Variants in RAD51 observed in about 807,000 individuals in gnomAD.
RAD51 encodes DNA repair protein RAD51 homolog 1.
RAD51 carries 14 observed loss-of-function variants against 41.5 expected under a neutral mutation model. The observed-to-expected ratio is 0.34, with a 90% CI of 0.22 to 0.53. RAD51 has a LOEUF of 0.53. RAD51 is among the 20% of genes least tolerant of loss of function. RAD51 has a pLI of 0.95. For missense variants in RAD51, 234 were observed against 422.0 expected, an observed-to-expected ratio of 0.55 and a Z score of 3.90; for synonymous variants, 136 against 148.6, an observed-to-expected ratio of 0.92 and a Z score of 0.62.
intron 3 of RAD51, among the ~76,000 whole-genome samples, chr15:40,702,535 C>T (rs1895068858): frequency 6.6e-6 from 1 of 151,846 alleles, no homozygotes; most frequent in Non-Finnish European, 1.5e-5. Flanking sequence ...TTTTTTGAGG[C>T]AGAGTGTCGC....
chr15:40,729,479 C>T (rs1336415861), intron 7 of RAD51, 26 bp from the exon 8 acceptor site: 1 of 1,608,100 alleles, frequency 6.2e-7, no homozygotes. Flanking sequence ...TAGAAATAGG[C>T]TTCAGAGAAT....
In RAD51 at chr15:40,727,860, C is replaced by CTTT. The variant is rs754071390; in HGVS notation, c.531-836_531-834dup. Among the ~76,000 whole-genome samples the CTTT allele has an allele frequency of 5.3e-5, 7 of 132,272 alleles. 1 individual carries two copies. Among genetic ancestry groups the CTTT allele is most frequent in the African/African-American group, 5.7e-5 (2 of 35,026 alleles). 86.8% of individuals were successfully genotyped at this position (132,272 alleles called of 152,430 possible). On this transcript the variant is annotated intron_variant, in intron 6 of 9. Transcript: ENST00000267868. The stretch of plus-strand genomic sequence containing the variant: ...ACACTGGGTTTTATGTAAACATTCT[C>CTTT]TTTTTTTTTTTTTTTTTGAGATGGA...
chr15:40,706,100 TATATA>T (rs1895318862), intron 3 of RAD51, 72 bp from the exon 4 acceptor site: 1 of 1,013,892 alleles, frequency 9.9e-7, no homozygotes, highest in African/African-American at 1.6e-5. Flanking sequence ...TTTTTCTTTA[TATATA>T]TTTTTTTGCC....
intron 6 of RAD51, among the ~76,000 whole-genome samples, chr15:40,722,482 GAGAC>G (rs1262626074): frequency 6.6e-6 from 1 of 151,454 alleles, no homozygotes; most frequent in African/African-American, 2.4e-5. Context: ...CAAAATCAAA[GAGAC>G]AGAAAGTAGA....
chr15:40,721,194 G>T (rs1165908255), intron 6 of RAD51, among the ~76,000 whole-genome samples: 1 of 152,024 alleles, frequency 6.6e-6, no homozygotes, highest in Non-Finnish European at 1.5e-5. Context: ...AGAAAAGGCA[G>T]TTCTCCTCAG....
rs748148264 is a variant in RAD51 at position 40,698,827 on chromosome 15, A to G, written c.69A>G (p.Gln23=). 6.2e-7 allele frequency: 1 copy of G among 1,614,122 alleles called. No individual in the cohort carries two copies. The highest frequency in any genetic ancestry group is 8.5e-7 in the Non-Finnish European group (1 of 1,179,984). The stretch of plus-strand genomic sequence containing the variant: ...TGGAAGAAGAAAGCTTTGGCCCACA[A>G]CCCATTTCACGGTTAGAGGTATGTG... ...TSVEEESFGP[Q]PISRLEQCGI... is the part of the protein sequence containing the mutation. The change falls in exon 2 of 10, where the codon CAA becomes CAG. Residue 23 remains glutamine (Q), a synonymous_variant. Transcript: ENST00000267868.
chr15:40,723,865 T>C (rs928395842), intron 6 of RAD51, among the ~76,000 whole-genome samples: 1 of 152,188 alleles, frequency 6.6e-6, no homozygotes, highest in Non-Finnish European at 1.5e-5. Context: ...CTATATCAAA[T>C]AAAGTTTTTA....
chr15:40,728,531 T>C (rs1279488926), intron 6 of RAD51, among the ~76,000 whole-genome samples, 180 bp from the exon 7 acceptor site: 17 of 152,066 alleles, frequency 1.1e-4, no homozygotes, highest in Admixed American at 1.1e-3. Context: ...GGTGCTATCA[T>C]CTCTCTGCTT....
chr15:40,697,084 T>A (rs1376564517), intron 1 of RAD51, among the ~76,000 whole-genome samples: 1 of 152,068 alleles, frequency 6.6e-6, no homozygotes, highest in Non-Finnish European at 1.5e-5. Flanking sequence ...AATTTATTTT[T>A]TTATTATTTA....
intron 4 of RAD51, among the ~76,000 whole-genome samples, chr15:40,707,532 C>T (rs1336466528): frequency 6.6e-6 from 1 of 152,000 alleles, no homozygotes; most frequent in East Asian, 1.9e-4. Flanking sequence ...GTCTCGAACT[C>T]CTGACCTCAG....
intron 5 of RAD51, among the ~76,000 whole-genome samples, chr15:40,710,272 A>AGG: frequency 8.3e-6 from 1 of 120,312 alleles, no homozygotes; most frequent in South Asian, 2.6e-4. Flanking sequence ...AAAAAAAAAG[A>AGG]AGAAGAAAAA....
Position 40,729,465 on chromosome 15 carries a change from A to C in RAD51, c.645-40A>C. 4 of 1,606,146 alleles carry C rather than the reference A, an allele frequency of 2.5e-6. No homozygotes were observed. In the South Asian group the frequency reaches 4.4e-5, roughly 18 times the overall value. On this transcript the variant is annotated intron_variant, in intron 7 of 9. Coordinates refer to ENST00000267868, the MANE Select transcript of RAD51 (RefSeq NM_002875.5). ...TAAGGAAGGGACCAGAATCTGACAC[A>C]GGCTAGAAATAGGCTTCAGAGAATC...
At chr15:40,709,664 C>T (rs529601951) in intron 5 of RAD51, among the ~76,000 whole-genome samples, 4 of 152,136 alleles carry the variant, frequency 2.6e-5, no homozygotes, top group East Asian at 1.9e-4. Flanking sequence ...TAAGCCACTG[C>T]GCCCAGCCCT....
intron 4 of RAD51, 31 bp from the exon 5 acceptor site, chr15:40,708,994 T>C (rs768392438): frequency 1.3e-6 from 2 of 1,532,526 alleles, no homozygotes; most frequent in Non-Finnish European, 9.0e-7. Flanking sequence ...GTTTGTATTA[T>C]GCTAAGAGTT....
At chr15:40,728,547 T>G in intron 6 of RAD51, 164 bp from the exon 7 acceptor site, 1 of 726,230 alleles carries the variant, frequency 1.4e-6, no homozygotes, top group Non-Finnish European at 2.5e-6. Context: ...TGCTTATAGT[T>G]TGCCTGAACT....
rs1896899585 is a variant in RAD51 at position 40,732,050 on chromosome 15, T to A, written c.*872T>A. 2 of 210,280 alleles carry A rather than the reference T, an allele frequency of 9.5e-6. No homozygotes were observed. Among genetic ancestry groups the A allele is most frequent in the South Asian group, 3.8e-4 (2 of 5,308 alleles). The allele number at this position is 210,280 out of a possible 1,614,324, so 13.0% of individuals were successfully genotyped here. On this transcript the variant is annotated 3_prime_UTR_variant, in exon 10 of 10. Transcript: ENST00000267868. Reference sequence around the variant, plus strand: ...GTGAGTCGAGATTGCACTGCTGCATTCCAGCCAGGGTGACAGAGTGAGACC... The same window carrying A: ...GTGAGTCGAGATTGCACTGCTGCATACCAGCCAGGGTGACAGAGTGAGACC...
chr15:40,697,582 T>C (rs1372683541), intron 1 of RAD51, among the ~76,000 whole-genome samples: 1 of 141,534 alleles, frequency 7.1e-6, no homozygotes, highest in East Asian at 2.9e-4. Flanking sequence ...TTCTTTTTTT[T>C]TTTTTTTTTT....
At chr15:40,706,670 C>T (rs1364702639) in intron 4 of RAD51, among the ~76,000 whole-genome samples, 1 of 152,076 alleles carries the variant, frequency 6.6e-6, no homozygotes, top group Non-Finnish European at 1.5e-5. Context: ...CCACTGCACT[C>T]CAGCCTGGGT....
Position 40,731,259 on chromosome 15 carries a change from G to T in RAD51, c.*81G>T. The T allele has an allele frequency of 6.3e-7, 1 of 1,581,040 alleles. No homozygotes were observed. The highest frequency in any genetic ancestry group is 8.7e-7 in the Non-Finnish European group (1 of 1,152,330). ...CACTGCTCCCTGGGGTTCTCTACAGGCCTCTTCCTGTTGTGACTGCCAGGA... is the reference window on the plus strand; with the variant it reads ...CACTGCTCCCTGGGGTTCTCTACAGTCCTCTTCCTGTTGTGACTGCCAGGA... On this transcript the variant is annotated 3_prime_UTR_variant, in exon 10 of 10. Transcript: ENST00000267868.
Sources: gnomAD v4.1 joint callset for allele counts (sites outside exome capture counted in the v4.1 genomes callset) on GRCh38, gnomAD v4.1.1 for gene constraint, MANE v1.5 for transcripts, NCBI Gene and HGNC (gene_info 2026-07-23, HGNC 2026-07-21) for gene names.